Variants in WDR3 observed in about 807,000 individuals in gnomAD.
WDR3 encodes the protein WD repeat-containing protein 3.
Under a neutral mutation model 123.7 loss-of-function variants are expected in WDR3, and 81 were observed. The ratio of observed to expected loss-of-function variants is 0.65; its 90% confidence interval spans 0.55 to 0.79. The LOEUF (loss-of-function observed/expected upper bound fraction) is 0.79. Ranked by LOEUF, WDR3 falls within the 30% of genes least tolerant of loss-of-function variation. The probability of loss-of-function intolerance (pLI) is 0.00; values close to 1 mark genes in which losing one functional copy is unlikely to be tolerated. For missense variants in WDR3, 1,027 were observed against 1,123.2 expected (o/e 0.91, Z 1.22); for synonymous variants, 390 against 388.8 (o/e 1.00, Z -0.04).
chr1:117,939,276 A>G (rs181730910), intron 5 of WDR3, among the ~76,000 whole-genome samples: 6 of 152,338 alleles, frequency 3.9e-5, no homozygotes, highest in African/African-American at 1.2e-4. Flanking sequence ...CACAAAAGTA[A>G]CAATTTCACC....
intron 11 of WDR3, among the ~76,000 whole-genome samples, 198 bp downstream of exon 11, chr1:117,943,824 C>G (rs1651271888): frequency 6.6e-6 from 1 of 150,816 alleles, no homozygotes; most frequent in Non-Finnish European, 1.5e-5. Flanking sequence ...AAAAGGCAAG[C>G]TTATTCCATG....
intron 24 of WDR3, 67 bp downstream of exon 24, chr1:117,955,425 C>T (rs1363523462): frequency 2.8e-5 from 40 of 1,424,932 alleles, no homozygotes; most frequent in South Asian, 2.7e-4. Context: ...CTTATCTGAA[C>T]GGGAAATAAA....
At chr1:117,949,891 A>G in intron 14 of WDR3, 55 bp downstream of exon 14, 1 of 1,589,898 alleles carries the variant, frequency 6.3e-7, no homozygotes, top group Non-Finnish European at 8.6e-7. Context: ...GAGCTATGGA[A>G]TGGCCTTTTG....
intron 1 of WDR3, among the ~76,000 whole-genome samples, chr1:117,930,876 C>G (rs1411120580): frequency 2.6e-5 from 4 of 152,198 alleles, no homozygotes; most frequent in African/African-American, 9.7e-5. Context: ...AATTTGCCAT[C>G]TCTGGGTCTG....
chr1:117,953,957 G>A, intron 21 of WDR3, 50 bp from the exon 22 acceptor site: 2 of 1,492,406 alleles, frequency 1.3e-6, no homozygotes, highest in Non-Finnish European at 1.8e-6. Flanking sequence ...CAGTGTCCTG[G>A]GATGATGGAG....
chr1:117,935,155 T>C (rs1437046558), intron 3 of WDR3, among the ~76,000 whole-genome samples: 2 of 152,198 alleles, frequency 1.3e-5, no homozygotes, highest in Admixed American at 1.3e-4. Flanking sequence ...AGAAGACTTT[T>C]ATAGAGATAT....
At chr1:117,933,079 C>T (rs1439986153) in intron 1 of WDR3, among the ~76,000 whole-genome samples, 1 of 151,716 alleles carries the variant, frequency 6.6e-6, no homozygotes, top group Admixed American at 6.6e-5. Flanking sequence ...TGGCACATGC[C>T]TGTAGTCCCA....
intron 13 of WDR3, 90 bp downstream of exon 13, chr1:117,948,596 T>G: frequency 1.1e-6 from 1 of 935,576 alleles, no homozygotes; most frequent in South Asian, 2.4e-5. Flanking sequence ...CCTGAGGTTT[T>G]TTTTTTTTTT....
In WDR3 at chr1:117,954,572, CT is replaced by C. The variant is rs747710144; in HGVS notation, c.2362-6del. 2 of 1,611,674 alleles carry C rather than the reference CT, an allele frequency of 1.2e-6. No homozygotes were observed. Among genetic ancestry groups the C allele is most frequent in the Non-Finnish European group, 1.7e-6 (2 of 1,178,756 alleles). ...TTTTAATGACTTGATTTAATAATTT[CT>C]TCATAGGTTCCACTTCCCAGCAACC... On this transcript the variant is annotated splice_region_variant and splice_polypyrimidine_tract_variant and intron_variant, in intron 22 of 26. Transcript: ENST00000349139.
chr1:117,940,571 T>A (rs1651107950), intron 6 of WDR3, among the ~76,000 whole-genome samples: 1 of 151,938 alleles, frequency 6.6e-6, no homozygotes, highest in Non-Finnish European at 1.5e-5. Context: ...CTACAAAAAA[T>A]TTAAAAATTA....
chr1:117,965,612 C>T lies in WDR3; in HGVS notation c.*6165C>T, dbSNP rs1653733349. The T allele has an allele frequency of 6.6e-6, 1 of 152,152 alleles. No individual in the cohort carries two copies. Among genetic ancestry groups the T allele is most frequent in the African/African-American group, 2.4e-5 (1 of 41,428 alleles). The allele number at this position is 152,152 out of a possible 1,614,324, so 9.4% of individuals were successfully genotyped here. A position where few individuals can be genotyped will look rare whatever the true frequency, so the allele number is the denominator to read the frequency against. On this transcript the variant is annotated 3_prime_UTR_variant, in exon 27 of 27. Transcript: ENST00000349139. ...TTTATGTTGACTGTTCCCCCACTCC[C>T]AGTTCTTGTCCTCACACATGGCCCA...
intron 1 of WDR3, among the ~76,000 whole-genome samples, chr1:117,930,743 C>CT (rs1284518159): frequency 6.6e-6 from 1 of 152,148 alleles, no homozygotes; most frequent in African/African-American, 2.4e-5. Flanking sequence ...GTGGAATTGA[C>CT]TAAAGAGAAA....
chr1:117,936,232 A>T (rs1205138284), intron 3 of WDR3, among the ~76,000 whole-genome samples: 2 of 152,088 alleles, frequency 1.3e-5, no homozygotes, highest in Admixed American at 1.3e-4. Context: ...CCAAAACTTT[A>T]AAAATAAACA....
chr1:117,955,056 C>T lies in WDR3; in HGVS notation c.2410-259C>T, dbSNP rs41276604. ...ATTAGTATTTTATTGCATGTCTCATCACAGTAATTTTGTGAGTCAGGGTAT... is the reference window on the plus strand; with the variant it reads ...ATTAGTATTTTATTGCATGTCTCATTACAGTAATTTTGTGAGTCAGGGTAT... On this transcript the variant is annotated intron_variant, in intron 23 of 26. Coordinates refer to ENST00000349139, the MANE Select transcript of WDR3 (RefSeq NM_006784.3). The T allele has an allele frequency of 5.2e-3, 2,185 of 416,780 alleles. 10 individuals are homozygous for T. Among genetic ancestry groups the T allele is most frequent in the Non-Finnish European group, 7.2e-3 (1,697 of 236,210 alleles). The allele number at this position is 416,780 out of a possible 1,614,324, so 25.8% of individuals were successfully genotyped here.
rs766243871 is a variant in WDR3, at chr1:117,946,204, A to G, written c.1422+25A>G. 2.6e-6 allele frequency: 4 copies of G among 1,566,768 alleles called. No homozygotes were observed. In the East Asian group the frequency reaches 9.0e-5, roughly 35 times the overall value. On this transcript the variant is annotated intron_variant, in intron 12 of 26. Transcript: ENST00000349139. ...GGTAAATGGAGACTTTTTCTGGGAT[A>G]TCTGGATCTTTTCTACTCAAAATTC... is the stretch of plus-strand genomic sequence containing the variant.
chr1:117,941,987 C>T, intron 9 of WDR3, 140 bp downstream of exon 9: 1 of 1,337,408 alleles, frequency 7.5e-7, no homozygotes, highest in Non-Finnish European at 9.7e-7. Context: ...TATCGATAAC[C>T]CAAATTTGTC....
In WDR3 at chr1:117,962,367, C is replaced by G. The variant is rs575794548; in HGVS notation, c.*2920C>G. Reference sequence around the variant, plus strand: ...AGTCAGTATTCATTGCCTTAGTCAGCCATTGGCTGTATATAATCCTTAATA... The same window carrying G: ...AGTCAGTATTCATTGCCTTAGTCAGGCATTGGCTGTATATAATCCTTAATA... On this transcript the variant is annotated 3_prime_UTR_variant, in exon 27 of 27. Coordinates refer to ENST00000349139, the MANE Select transcript of WDR3 (RefSeq NM_006784.3). 2.0e-5 allele frequency: 3 copies of G among 152,232 alleles called. No individual in the cohort carries two copies. The highest frequency in any genetic ancestry group is 2.0e-4 in the Admixed American group (3 of 15,286). The allele number at this position is 152,232 out of a possible 1,614,324, so 9.4% of individuals were successfully genotyped here.
intron 13 of WDR3, 79 bp downstream of exon 13, chr1:117,948,585 G>T: frequency 1.0e-6 from 1 of 983,222 alleles, no homozygotes; most frequent in Non-Finnish European, 1.4e-6. Flanking sequence ...TTTAAAGAAA[G>T]CCTGAGGTTT....
In WDR3 at chr1:117,959,969, T is replaced by TA. The variant is rs1652813829; in HGVS notation, c.*524dup. 2 of 152,268 alleles carry TA rather than the reference T, an allele frequency of 1.3e-5. No individual in the cohort carries two copies. Among genetic ancestry groups the TA allele is most frequent in the African/African-American group, 4.8e-5 (2 of 41,462 alleles). 9.4% of individuals were successfully genotyped at this position (152,268 alleles called of 1,614,324 possible). On this transcript the variant is annotated 3_prime_UTR_variant, in exon 27 of 27. Transcript: ENST00000349139. ...TTACCCAGAACAGCGTCCTCAGACTTAACCTTCTGCAAGTTATGTCTGTAT... is the reference window on the plus strand; with the variant it reads ...TTACCCAGAACAGCGTCCTCAGACTTAAACCTTCTGCAAGTTATGTCTGTAT...
Sources: allele counts gnomAD v4.1 joint callset (sites outside exome capture counted in the v4.1 genomes callset), GRCh38; gene constraint gnomAD v4.1.1; transcripts MANE v1.5; gene names NCBI Gene and HGNC (gene_info 2026-07-23, HGNC 2026-07-21).